KCNJ3: variants seen among roughly 807,000 people sequenced by gnomAD.
The protein encoded by KCNJ3 is G protein-activated inward rectifier potassium channel 1.
Under a neutral mutation model 39.2 loss-of-function variants are expected in KCNJ3, and 4 were observed. That is an observed-to-expected ratio of 0.10 (90% CI 0.05 to 0.23). KCNJ3 has a LOEUF of 0.23. KCNJ3 is among the 10% of genes least tolerant of loss of function. The pLI is 1.00. For missense variants in KCNJ3, 276 were observed against 634.9 expected (o/e 0.43, Z 6.08); for synonymous variants, 230 against 237.4 (o/e 0.97, Z 0.29).
intron 2 of KCNJ3, among the ~76,000 whole-genome samples, chr2:154,753,275 T>C (rs1206002779): frequency 6.6e-6 from 1 of 152,156 alleles, no homozygotes; most frequent in African/African-American, 2.4e-5. Flanking sequence ...TGGATCATAG[T>C]AATGTTTATT....
intron 2 of KCNJ3, among the ~76,000 whole-genome samples, chr2:154,731,713 G>GAA (rs11371355): frequency 0.018 from 2,642 of 149,366 alleles, 52 homozygotes; most frequent in East Asian, 0.11. Flanking sequence ...TCTTGCTCTG[G>GAA]AAAAAAAAAG....
At chr2:154,711,363 T>C (rs952098853) in intron 2 of KCNJ3, among the ~76,000 whole-genome samples, 3 of 152,102 alleles carry the variant, frequency 2.0e-5, no homozygotes, top group African/African-American at 7.2e-5. Context: ...ATATGGTTCT[T>C]TCTTTCATAC....
chr2:154,771,506 G>C (rs1374728085), intron 2 of KCNJ3, among the ~76,000 whole-genome samples: 1 of 152,154 alleles, frequency 6.6e-6, no homozygotes, highest in Non-Finnish European at 1.5e-5. Context: ...GAATCTAGAA[G>C]AAAGTTTAGA....
intron 2 of KCNJ3, among the ~76,000 whole-genome samples, chr2:154,800,751 T>A (rs1383403691): frequency 6.6e-6 from 1 of 152,192 alleles, no homozygotes; most frequent in Non-Finnish European, 1.5e-5. Context: ...TTTTCAGAAA[T>A]GCATTTTAAA....
intron 2 of KCNJ3, among the ~76,000 whole-genome samples, chr2:154,735,102 T>TGTGTGTGTG (rs746877275): frequency 5.3e-5 from 8 of 151,892 alleles, no homozygotes; most frequent in East Asian, 3.9e-4. Flanking sequence ...TGTGTGTGTG[T>TGTGTGTGTG]TTGAGACGGA....
At position 154,793,564 on chromosome 2, in the gene KCNJ3, T is replaced by G. The variant is rs149682468; in HGVS notation, c.920-61163T>G. On this transcript the variant is annotated intron_variant, in intron 2 of 2. Coordinates refer to ENST00000295101, the MANE Select transcript of KCNJ3 (RefSeq NM_002239.4). ...CTTACCATGACTACATGGCCCTCAA[T>G]TCTTCAAAAAATATTCCTTATCAAA... Among the ~76,000 whole-genome samples the G allele has an allele frequency of 2.0e-3, 309 of 152,196 alleles. 2 individuals are homozygous for G. The highest frequency in any genetic ancestry group is 7.1e-3 in the African/African-American group (297 of 41,578).
intron 2 of KCNJ3, among the ~76,000 whole-genome samples, chr2:154,837,290 G>C (rs1037269886): frequency 6.6e-6 from 1 of 151,986 alleles, no homozygotes; most frequent in East Asian, 1.9e-4. Context: ...TTTAAACAAT[G>C]ATTATATATA....
At chr2:154,757,539 A>G (rs1685962819) in intron 2 of KCNJ3, among the ~76,000 whole-genome samples, 1 of 151,984 alleles carries the variant, frequency 6.6e-6, no homozygotes. Flanking sequence ...ACGAGATCTT[A>G]TTATGTAGTA....
intron 2 of KCNJ3, among the ~76,000 whole-genome samples, chr2:154,744,262 TTA>T (rs1169627753): frequency 6.6e-6 from 1 of 151,762 alleles, no homozygotes; most frequent in Non-Finnish European, 1.5e-5. Flanking sequence ...TTGGAAACTT[TTA>T]TAGCTAAATT....
At chr2:154,839,976 A>G (rs933453387) in intron 2 of KCNJ3, among the ~76,000 whole-genome samples, 2 of 152,042 alleles carry the variant, frequency 1.3e-5, no homozygotes, top group East Asian at 1.9e-4. Flanking sequence ...TTTTGTTGCC[A>G]TTGCTTTTGG....
chr2:154,778,951 C>T (rs116070348), intron 2 of KCNJ3, among the ~76,000 whole-genome samples: 1,619 of 152,076 alleles, frequency 0.011, 22 homozygotes, highest in African/African-American at 0.037. Context: ...TTTTAGTATT[C>T]CCCTATGTGA....
chr2:154,768,977 GCTCT>G (rs1221383793), intron 2 of KCNJ3, among the ~76,000 whole-genome samples: 1 of 152,052 alleles, frequency 6.6e-6, no homozygotes, highest in Non-Finnish European at 1.5e-5. Context: ...TCATGATTTG[GCTCT>G]CTGTTTGTCT....
rs1574457313 is a variant in KCNJ3 at position 154,773,754 on chromosome 2, A to C, written c.919+63935A>C. Among the ~76,000 whole-genome samples the C allele has an allele frequency of 3.9e-5, 6 of 152,210 alleles. 1 individual carries two copies. Among genetic ancestry groups the C allele is most frequent in the Admixed American group, 2.6e-4 (4 of 15,278 alleles). ...TTTTGAAGGGTTATTAAATTGATTGAATGTCTGATATTCACACTTGACGCA... is the reference window on the plus strand; with the variant it reads ...TTTTGAAGGGTTATTAAATTGATTGCATGTCTGATATTCACACTTGACGCA... On this transcript the variant is annotated intron_variant, in intron 2 of 2. Coordinates refer to ENST00000295101, the MANE Select transcript of KCNJ3 (RefSeq NM_002239.4).
At chr2:154,758,815 A>G (rs2105187150) in intron 2 of KCNJ3, among the ~76,000 whole-genome samples, 1 of 152,336 alleles carries the variant, frequency 6.6e-6, no homozygotes, top group Non-Finnish European at 1.5e-5. Context: ...ACTGGATTAA[A>G]CATTAAACTG....
At chr2:154,831,569 G>C (rs1263850170) in intron 2 of KCNJ3, among the ~76,000 whole-genome samples, 2 of 152,116 alleles carry the variant, frequency 1.3e-5, no homozygotes, top group Non-Finnish European at 2.9e-5. Context: ...AGTGTCCAAT[G>C]GGCCACATGT....
Position 154,857,691 on chromosome 2 carries a change from G to C in KCNJ3, c.*2378G>C, listed in dbSNP as rs1186981484. The stretch of plus-strand genomic sequence containing the variant: ...AGGTCAGGAGATCGAGACCAGCCTG[G>C]ACAACATGGTGAAAACCCGTCTCTA... On this transcript the variant is annotated 3_prime_UTR_variant, in exon 3 of 3. Transcript: ENST00000295101. 6.6e-6 allele frequency: 1 copy of C among 151,840 alleles called. No homozygotes were observed. Among genetic ancestry groups the C allele is most frequent in the African/African-American group, 2.4e-5 (1 of 41,264 alleles). 9.4% of individuals were successfully genotyped at this position (151,840 alleles called of 1,614,324 possible). A position where few individuals can be genotyped will look rare whatever the true frequency, so the allele number is the denominator to read the frequency against.
rs1420062038 is a variant in KCNJ3, at chr2:154,856,437, G to C, written c.*1124G>C. The C allele has an allele frequency of 6.6e-6, 1 of 152,470 alleles. No individual in the cohort carries two copies. The highest frequency in any genetic ancestry group is 1.5e-5 in the Non-Finnish European group (1 of 67,986). 9.4% of individuals were successfully genotyped at this position (152,470 alleles called of 1,614,324 possible). A position where few individuals can be genotyped will look rare whatever the true frequency, so the allele number is the denominator to read the frequency against. ...GACATGACAATGCAATGAAACAGAT[G>C]ATAAATATTTATGCTTAAAATATGT... is the stretch of plus-strand genomic sequence containing the variant. On this transcript the variant is annotated 3_prime_UTR_variant, in exon 3 of 3. Coordinates refer to ENST00000295101, the MANE Select transcript of KCNJ3 (RefSeq NM_002239.4).
At chr2:154,756,522 A>T (rs1448984923) in intron 2 of KCNJ3, among the ~76,000 whole-genome samples, 1 of 149,430 alleles carries the variant, frequency 6.7e-6, no homozygotes, top group African/African-American at 2.5e-5. Context: ...CCTCCCCTAG[A>T]CCCCCACCCC....
At chr2:154,805,789 T>C (rs1228081456) in intron 2 of KCNJ3, among the ~76,000 whole-genome samples, 1 of 152,146 alleles carries the variant, frequency 6.6e-6, no homozygotes, top group East Asian at 1.9e-4. Flanking sequence ...CAAATTTACA[T>C]GAAGTGATTT....
Sources: allele counts gnomAD v4.1 joint callset (sites outside exome capture counted in the v4.1 genomes callset), GRCh38; gene constraint gnomAD v4.1.1; transcripts MANE v1.5; gene names NCBI Gene and HGNC (gene_info 2026-07-23, HGNC 2026-07-21).